Variants in SORBS2 observed in about 807,000 individuals in gnomAD.
SORBS2 encodes sorbin and SH3 domain-containing protein 2.
A neutral mutation model predicts 97.7 loss-of-function variants in SORBS2; 46 were observed. The observed-to-expected ratio is 0.47, with a 90% CI of 0.37 to 0.60. The LOEUF is 0.60. SORBS2 is among the 20% of genes least tolerant of loss of function. The pLI is 0.00. For missense variants in SORBS2, 1,316 were observed against 1,282.3 expected, an observed-to-expected ratio of 1.03 and a Z score of -0.40; for synonymous variants, 476 against 473.4, an observed-to-expected ratio of 1.01 and a Z score of -0.07.
intron 1 of SORBS2, among the ~76,000 whole-genome samples, chr4:185,797,792 C>T (rs2099112321): frequency 6.6e-6 from 1 of 152,176 alleles, no homozygotes; most frequent in Non-Finnish European, 1.5e-5. Context: ...ACGCCCGGTT[C>T]TCCCTACTGT....
intron 2 of SORBS2, among the ~76,000 whole-genome samples, chr4:185,757,983 A>T (rs1428604452): frequency 6.6e-6 from 1 of 152,218 alleles, no homozygotes; most frequent in African/African-American, 2.4e-5. Context: ...ACTGCTATGG[A>T]TTGTTAACAT....
At chr4:185,847,630 C>T (rs530509388) in intron 1 of SORBS2, among the ~76,000 whole-genome samples, 95 of 152,274 alleles carry the variant, frequency 6.2e-4, no homozygotes, top group African/African-American at 2.1e-3. Context: ...CACCCTGTTG[C>T]CCTTCCCAGA....
intron 4 of SORBS2, 71 bp downstream of exon 13, chr4:185,646,597 A>G: frequency 1.1e-6 from 1 of 885,112 alleles, no homozygotes; most frequent in Non-Finnish European, 1.8e-6. Flanking sequence ...AATGGGTCTG[A>G]AATTCAGGTT....
chr4:185,910,779 A>C (rs1308828970), intron 1 of SORBS2, among the ~76,000 whole-genome samples: 1 of 152,192 alleles, frequency 6.6e-6, no homozygotes, highest in African/African-American at 2.4e-5. Context: ...GTGGGTATAC[A>C]AAGATGCAGA....
chr4:185,634,481 T>C (rs1164060625), intron 4 of SORBS2, among the ~76,000 whole-genome samples: 1 of 152,124 alleles, frequency 6.6e-6, no homozygotes, highest in Non-Finnish European at 1.5e-5. Context: ...AGGAGGCTTT[T>C]ATATAGCTGA....
chr4:185,591,025 T>A (rs1216003782), intron 13 of SORBS2, among the ~76,000 whole-genome samples: 1 of 152,188 alleles, frequency 6.6e-6, no homozygotes, highest in Non-Finnish European at 1.5e-5. Context: ...GGAACAAGAA[T>A]GATTTATTTT....
rs374709377 is a variant in SORBS2, at chr4:185,594,025, A to C, written c.2797-90T>G. The stretch of plus-strand genomic sequence containing the variant: ...ATAATGGCATGGTACTTTTCTTGAC[A>C]TTTAATATTTCCTGTTGTAAAAAAC... On this transcript the variant is annotated intron_variant, in intron 12 of 14. Coordinates refer to ENST00000418609, the Ensembl canonical transcript of SORBS2. The C allele has an allele frequency of 6.1e-5, 51 of 835,854 alleles. 1 individual carries two copies. In the East Asian group the frequency reaches 7.9e-4, roughly 13 times the overall value. 51.8% of individuals were successfully genotyped at this position (835,854 alleles called of 1,614,324 possible). A position where few individuals can be genotyped will look rare whatever the true frequency, so the allele number is the denominator to read the frequency against.
chr4:185,651,701 A>T, intron 2 of SORBS2, 83 bp downstream of exon 11: 1 of 805,720 alleles, frequency 1.2e-6, no homozygotes, highest in Non-Finnish European at 2.2e-6. Flanking sequence ...GCTCAAACAG[A>T]AGGGGAAAAA....
intron 2 of SORBS2, among the ~76,000 whole-genome samples, chr4:185,649,873 C>G (rs755626296): frequency 6.6e-6 from 1 of 151,992 alleles, no homozygotes; most frequent in Non-Finnish European, 1.5e-5. Context: ...TTATTCTGTA[C>G]CTAAGCCCTG....
Position 185,597,910 on chromosome 4 carries a change from A to G in SORBS2, c.2797-3975T>C, listed in dbSNP as rs541034762. On this transcript the variant is annotated intron_variant, in intron 12 of 14. Transcript: ENST00000418609. ...AAGGCCGCAGAGTGATGTGGAATAG[A>G]CAGTCATCTGTTTTCCTAACCATGT... Among the ~76,000 whole-genome samples, 12 of 152,334 alleles carry G rather than the reference A, an allele frequency of 7.9e-5. 1 individual carries two copies. The highest frequency in any genetic ancestry group is 2.6e-4 in the African/African-American group (11 of 41,580).
chr4:185,840,915 G>A (rs2099211104), intron 1 of SORBS2, among the ~76,000 whole-genome samples: 1 of 152,076 alleles, frequency 6.6e-6, no homozygotes, highest in African/African-American at 2.4e-5. Context: ...TTTGGGTGGG[G>A]GTGTTAGCAG....
chr4:185,617,222 A>G lies in SORBS2; in HGVS notation c.2351+1363T>C, dbSNP rs538204460. 3.9e-5 allele frequency among the ~76,000 whole-genome samples: 6 copies of G among 152,338 alleles called. No homozygotes were observed. The South Asian group carries it at 1.0e-3, about 26-fold the overall frequency. ...CGTAACATTATTTTATAAAACTGAT[A>G]TGCATTGTACAAATTGTCACACCAT... On this transcript the variant is annotated intron_variant, in intron 9 of 14. Coordinates refer to ENST00000418609, the Ensembl canonical transcript of SORBS2.
At chr4:185,720,374 C>T (rs1486080891) in intron 2 of SORBS2, among the ~76,000 whole-genome samples, 1 of 151,998 alleles carries the variant, frequency 6.6e-6, no homozygotes, top group African/African-American at 2.4e-5. Context: ...GAAGAAAGTC[C>T]CCAATTTTAC....
chr4:185,633,028 C>A (rs1561543361), intron 4 of SORBS2, among the ~76,000 whole-genome samples: 1 of 152,252 alleles, frequency 6.6e-6, no homozygotes, highest in East Asian at 1.9e-4. Context: ...CAGTTATGAT[C>A]TACTATTTAC....
Position 185,714,768 on chromosome 4 carries a change from AC to A in SORBS2, c.-197-35947del, listed in dbSNP as rs1182475027. On this transcript the variant is annotated intron_variant, in intron 2 of 20. Transcript: ENST00000284776. ...GTCAGATCTCGTAGATGTATTCACT[AC>A]CACGAGAACAGCTTGAGGGAAACCA... Among the ~76,000 whole-genome samples, 104 of 152,290 alleles carry A rather than the reference AC, an allele frequency of 6.8e-4. 1 individual carries two copies. The East Asian group carries it at 0.018, about 26-fold the overall frequency.
intron 1 of SORBS2, among the ~76,000 whole-genome samples, chr4:185,869,273 A>T (rs1293770627): frequency 6.6e-6 from 1 of 152,196 alleles, no homozygotes; most frequent in Non-Finnish European, 1.5e-5. Flanking sequence ...GGAGAACTGC[A>T]TTGTGACACT....
intron 1 of SORBS2, among the ~76,000 whole-genome samples, chr4:185,922,997 C>A (rs1013439431): frequency 6.6e-6 from 1 of 152,118 alleles, no homozygotes; most frequent in African/African-American, 2.4e-5. Flanking sequence ...TTCTAAGAGG[C>A]CTTTGGGAAA....
intron 2 of SORBS2, among the ~76,000 whole-genome samples, chr4:185,761,045 T>C (rs144043006): frequency 1.7e-3 from 252 of 152,374 alleles, no homozygotes; most frequent in African/African-American, 5.3e-3. Flanking sequence ...AGGAAATATA[T>C]CTTTTATGTC....
intron 1 of SORBS2, among the ~76,000 whole-genome samples, chr4:185,874,886 T>G (rs1246554193): frequency 1.3e-5 from 2 of 151,304 alleles, no homozygotes; most frequent in Non-Finnish European, 2.9e-5. Context: ...TGCTACAGTA[T>G]ATTGTGTTTG....
Sources: gnomAD v4.1 joint callset for allele counts (sites outside exome capture counted in the v4.1 genomes callset) on GRCh38, gnomAD v4.1.1 for gene constraint, MANE v1.5 for transcripts, NCBI Gene and HGNC (gene_info 2026-07-23, HGNC 2026-07-21) for gene names.